The following RBFOX1 variants were observed in gnomAD, a reference collection of about 807,000 sequenced individuals.
RBFOX1 encodes RNA binding protein fox-1 homolog 1.
A neutral mutation model predicts 57.7 loss-of-function variants in RBFOX1; 8 were observed. The observed-to-expected ratio is 0.14, with a 90% CI of 0.08 to 0.25. RBFOX1 has a LOEUF of 0.25. RBFOX1 is among the 10% of genes least tolerant of loss of function. The pLI is 1.00. For missense variants in RBFOX1, 611 were observed against 548.5 expected (o/e 1.11, Z -1.14); for synonymous variants, 326 against 222.4 (o/e 1.47, Z -4.15).
intron 3 of RBFOX1, among the ~76,000 whole-genome samples, chr16:6,905,572 G>C (rs1010589742): frequency 2.0e-5 from 3 of 149,434 alleles, no homozygotes; most frequent in Non-Finnish European, 4.4e-5. Context: ...AAAAAGTGTA[G>C]ATGTTTGGTT....
chr16:5,928,928 G>A lies in RBFOX1; in HGVS notation c.351+61593G>A, dbSNP rs1476783. 2.6e-3 allele frequency among the ~76,000 whole-genome samples: 401 copies of A among 151,338 alleles called. 2 individuals carry two copies. The highest frequency in any genetic ancestry group is 9.0e-3 in the African/African-American group (370 of 41,180). ...GCTTTTGTAATTGAAAACAGAGCTCGCAATGTGGCTGCAGGGATGCTCGCC... is the reference window on the plus strand; with the variant it reads ...GCTTTTGTAATTGAAAACAGAGCTCACAATGTGGCTGCAGGGATGCTCGCC... On this transcript the variant is annotated intron_variant, in intron 4 of 19. Transcript: ENST00000641259.
chr16:7,601,403 T>A (rs1464781131), intron 9 of RBFOX1, among the ~76,000 whole-genome samples: 6 of 152,210 alleles, frequency 3.9e-5, no homozygotes, highest in Admixed American at 2.0e-4. Flanking sequence ...AGTATTTGAT[T>A]ACACATAGTT....
At chr16:5,446,068 C>A (rs1644178537) in intron 1 of RBFOX1, among the ~76,000 whole-genome samples, 1 of 152,100 alleles carries the variant, frequency 6.6e-6, no homozygotes, top group Admixed American at 6.6e-5. Context: ...TGGGCAAGAC[C>A]CACTTGGAGA....
intron 2 of RBFOX1, among the ~76,000 whole-genome samples, chr16:6,528,157 TCTTTGTCTTCGGCA>T (rs921048388): frequency 1.2e-4 from 19 of 152,284 alleles, no homozygotes; most frequent in Admixed American, 2.0e-4. Context: ...GATTCTGTTA[TCTTTGTCTTCGGCA>T]CTTTTATCCT....
intron 2 of RBFOX1, among the ~76,000 whole-genome samples, chr16:6,439,092 T>C (rs955495330): frequency 2.0e-5 from 3 of 152,138 alleles, no homozygotes; most frequent in Admixed American, 2.0e-4. Context: ...GACAACTCTG[T>C]TGTGAAAACC....
intron 2 of RBFOX1, among the ~76,000 whole-genome samples, chr16:6,598,611 T>C (rs1206598433): frequency 6.6e-6 from 1 of 151,936 alleles, no homozygotes; most frequent in Non-Finnish European, 1.5e-5. Flanking sequence ...TCTATACATA[T>C]GATAAACAGT....
chr16:7,020,014 C>G (rs1424096870), intron 3 of RBFOX1, among the ~76,000 whole-genome samples: 1 of 151,160 alleles, frequency 6.6e-6, no homozygotes, highest in African/African-American at 2.4e-5. Flanking sequence ...GTGCTGCTAC[C>G]CTCAGGAAGG....
At chr16:6,764,737 G>T (rs1012704071) in intron 3 of RBFOX1, among the ~76,000 whole-genome samples, 1 of 152,108 alleles carries the variant, frequency 6.6e-6, no homozygotes, top group Non-Finnish European at 1.5e-5. Flanking sequence ...AGGTGTACGA[G>T]ACCAACCTGG....
At chr16:7,539,798 G>T (rs151091591) in intron 5 of RBFOX1, among the ~76,000 whole-genome samples, 1 of 152,174 alleles carries the variant, frequency 6.6e-6, no homozygotes, top group African/African-American at 2.4e-5. Context: ...GATGAAAGAC[G>T]AGAGAGGAGT....
At chr16:6,510,951 TGTG>T (rs1413589559) in intron 2 of RBFOX1, among the ~76,000 whole-genome samples, 3 of 152,098 alleles carry the variant, frequency 2.0e-5, no homozygotes, top group East Asian at 1.9e-4. Flanking sequence ...GGATTTGAAA[TGTG>T]GTGTGTGCTG....
At chr16:7,199,846 G>A (rs190916525) in intron 4 of RBFOX1, among the ~76,000 whole-genome samples, 1 of 152,250 alleles carries the variant, frequency 6.6e-6, no homozygotes, top group East Asian at 1.9e-4. Context: ...AGTGAGCTCA[G>A]ATCTCATAAC....
At chr16:6,947,455 C>T (rs879928660) in intron 3 of RBFOX1, among the ~76,000 whole-genome samples, 5 of 152,136 alleles carry the variant, frequency 3.3e-5, no homozygotes, top group Admixed American at 1.3e-4. Context: ...GTATTTCATC[C>T]GGCTGAGAAC....
chr16:6,506,921 T>G (rs1443017004), intron 2 of RBFOX1, among the ~76,000 whole-genome samples: 2 of 152,190 alleles, frequency 1.3e-5, no homozygotes, highest in Non-Finnish European at 2.9e-5. Context: ...GTGCTGGGGT[T>G]ACAGTCATGA....
chr16:5,408,827 C>T (rs1232181566), intron 1 of RBFOX1, among the ~76,000 whole-genome samples: 1 of 152,144 alleles, frequency 6.6e-6, no homozygotes, highest in African/African-American at 2.4e-5. Flanking sequence ...GATTGTGCTA[C>T]CCACTTTTAA....
At chr16:7,266,393 C>A (rs981368026) in intron 4 of RBFOX1, among the ~76,000 whole-genome samples, 1 of 152,188 alleles carries the variant, frequency 6.6e-6, no homozygotes, top group African/African-American at 2.4e-5. Context: ...TGACGAAAGT[C>A]CCCTGAGGCT....
chr16:6,140,756 C>G (rs575536702), intron 1 of RBFOX1, among the ~76,000 whole-genome samples: 7 of 152,308 alleles, frequency 4.6e-5, no homozygotes, highest in Admixed American at 1.3e-4. Flanking sequence ...AGTACCTCAT[C>G]CTATAAGCAA....
chr16:7,172,228 CAT>C (rs1356128858), intron 4 of RBFOX1, among the ~76,000 whole-genome samples: 1 of 152,144 alleles, frequency 6.6e-6, no homozygotes, highest in Non-Finnish European at 1.5e-5. Flanking sequence ...CTAAAATCCA[CAT>C]ACTCTTCAAT....
intron 3 of RBFOX1, among the ~76,000 whole-genome samples, chr16:6,866,343 T>C (rs955473814): frequency 1.3e-5 from 2 of 151,998 alleles, no homozygotes; most frequent in Non-Finnish European, 2.9e-5. Context: ...GATCACTTCT[T>C]ACAGTGTAAT....
intron 4 of RBFOX1, among the ~76,000 whole-genome samples, chr16:7,322,400 A>G (rs946249357): frequency 3.9e-5 from 6 of 152,258 alleles, no homozygotes; most frequent in African/African-American, 1.2e-4. Flanking sequence ...AAACACGTCA[A>G]CGTGATTTCA....
Sources: allele counts gnomAD v4.1 joint callset (sites outside exome capture counted in the v4.1 genomes callset), GRCh38; gene constraint gnomAD v4.1.1; transcripts MANE v1.5; gene names NCBI Gene and HGNC (gene_info 2026-07-23, HGNC 2026-07-21).